MIPOL1: variants seen among roughly 807,000 people sequenced by gnomAD.
MIPOL1 encodes mirror-image polydactyly gene 1 protein.
MIPOL1 carries 57 observed loss-of-function variants against 60.9 expected under a neutral mutation model. The observed-to-expected ratio is 0.94, with a 90% CI of 0.76 to 1.17. The LOEUF (loss-of-function observed/expected upper bound fraction) is 1.17. Ranked by LOEUF, MIPOL1 falls within the 50% of genes most tolerant of loss-of-function variation. The probability of loss-of-function intolerance (pLI) is 0.00; values close to 1 mark genes in which losing one functional copy is unlikely to be tolerated. For synonymous variants in MIPOL1, 179 were observed against 168.8 expected, an observed-to-expected ratio of 1.06 and a Z score of -0.47; for missense variants, 551 against 511.6, an observed-to-expected ratio of 1.08 and a Z score of -0.74.
At chr14:37,545,779 T>G in intron 12 of MIPOL1, 1 of 555,578 alleles carries the variant, frequency 1.8e-6, no homozygotes, top group Admixed American at 3.5e-5. Context: ...CAGCTTTGTA[T>G]GACACTAAGA....
chr14:37,225,447 C>G (rs1171003241), intron 1 of MIPOL1, among the ~76,000 whole-genome samples: 1 of 152,204 alleles, frequency 6.6e-6, no homozygotes, highest in Non-Finnish European at 1.5e-5. Flanking sequence ...GACTTCTATG[C>G]ACTTGCAGGC....
intron 11 of MIPOL1, among the ~76,000 whole-genome samples, chr14:37,445,654 A>G (rs2094322232): frequency 6.6e-6 from 1 of 151,532 alleles, no homozygotes; most frequent in Non-Finnish European, 1.5e-5. Flanking sequence ...GAGGCATCAC[A>G]CTACCTAACT....
intron 9 of MIPOL1, among the ~76,000 whole-genome samples, chr14:37,360,742 A>G (rs1371299850): frequency 1.3e-5 from 2 of 151,932 alleles, no homozygotes; most frequent in African/African-American, 2.4e-5. Flanking sequence ...CAGTCTATCA[A>G]TTTTGTTGAT....
chr14:37,295,835 AC>A (rs1332998176), intron 7 of MIPOL1, among the ~76,000 whole-genome samples: 1 of 152,086 alleles, frequency 6.6e-6, no homozygotes, highest in Non-Finnish European at 1.5e-5. Flanking sequence ...AATGACTTAG[AC>A]CCCCACACAG....
intron 10 of MIPOL1, among the ~76,000 whole-genome samples, chr14:37,387,819 A>G (rs957770846): frequency 6.6e-6 from 1 of 151,892 alleles, no homozygotes; most frequent in African/African-American, 2.4e-5. Flanking sequence ...TGGGTGTTTT[A>G]CAATCATGCT....
chr14:37,319,810 G>A (rs2088360325), intron 9 of MIPOL1, among the ~76,000 whole-genome samples: 1 of 152,022 alleles, frequency 6.6e-6, no homozygotes, highest in Non-Finnish European at 1.5e-5. Context: ...TTCCCAGTCG[G>A]AATTTCTCAC....
chr14:37,297,625 G>A (rs1386307030), intron 7 of MIPOL1, among the ~76,000 whole-genome samples: 1 of 152,124 alleles, frequency 6.6e-6, no homozygotes, highest in Admixed American at 6.6e-5. Flanking sequence ...TACAAAATCA[G>A]TGTTCAAAAA....
intron 11 of MIPOL1, among the ~76,000 whole-genome samples, chr14:37,451,988 T>C (rs998906605): frequency 6.6e-6 from 1 of 151,086 alleles, no homozygotes; most frequent in African/African-American, 2.5e-5. Flanking sequence ...CTAATTTTTT[T>C]GTATTTTTAG....
chr14:37,346,351 A>AG (rs1299116434), intron 9 of MIPOL1, among the ~76,000 whole-genome samples: 6 of 152,194 alleles, frequency 3.9e-5, no homozygotes, highest in African/African-American at 1.4e-4. Flanking sequence ...AAATAACTGA[A>AG]GGTGTGGCCC....
chr14:37,413,944 G>A (rs1452275255), intron 10 of MIPOL1, among the ~76,000 whole-genome samples: 2 of 152,132 alleles, frequency 1.3e-5, no homozygotes, highest in Admixed American at 6.6e-5. Flanking sequence ...GCAACAAAAT[G>A]TAAATATTTA....
intron 10 of MIPOL1, among the ~76,000 whole-genome samples, chr14:37,416,393 T>C (rs1048150353): frequency 6.6e-6 from 1 of 152,100 alleles, no homozygotes; most frequent in African/African-American, 2.4e-5. Context: ...TGTATGGGCA[T>C]AATAGAGTGT....
intron 6 of MIPOL1, among the ~76,000 whole-genome samples, chr14:37,271,805 T>C (rs748009510): frequency 1.3e-5 from 2 of 151,736 alleles, no homozygotes; most frequent in African/African-American, 4.8e-5. Context: ...TGCATTTGCA[T>C]AATGTTAACT....
At chr14:37,436,141 A>G (rs1757874049) in intron 11 of MIPOL1, among the ~76,000 whole-genome samples, 1 of 152,174 alleles carries the variant, frequency 6.6e-6, no homozygotes, top group Non-Finnish European at 1.5e-5. Context: ...AGCAGTTTTT[A>G]AAAGTAAAAT....
At chr14:37,322,338 C>T (rs2088667043) in intron 9 of MIPOL1, among the ~76,000 whole-genome samples, 1 of 151,918 alleles carries the variant, frequency 6.6e-6, no homozygotes, top group South Asian at 2.1e-4. Flanking sequence ...ATGCCCTATC[C>T]AATCAATTCA....
At chr14:37,221,772 T>C (rs1968808475) in intron 1 of MIPOL1, among the ~76,000 whole-genome samples, 1 of 152,168 alleles carries the variant, frequency 6.6e-6, no homozygotes, top group African/African-American at 2.4e-5. Context: ...AGGATTACAG[T>C]TGCACGTAAG....
intron 12 of MIPOL1, among the ~76,000 whole-genome samples, chr14:37,524,585 TGAGA>T (rs2095435429): frequency 2.7e-5 from 4 of 145,998 alleles, no homozygotes; most frequent in Non-Finnish European, 4.5e-5. Flanking sequence ...TTTTTTTTTT[TGAGA>T]TGGAGTCTCA....
intron 12 of MIPOL1, among the ~76,000 whole-genome samples, 190 bp from the exon 13 acceptor site, chr14:37,546,715 G>T (rs574335380): frequency 6.6e-6 from 1 of 152,098 alleles, no homozygotes; most frequent in South Asian, 2.1e-4. Flanking sequence ...AGTTTGTGTC[G>T]TTGCTGGGTT....
At chr14:37,340,968 A>G (rs1375675369) in intron 9 of MIPOL1, among the ~76,000 whole-genome samples, 1 of 152,116 alleles carries the variant, frequency 6.6e-6, no homozygotes, top group African/African-American at 2.4e-5. Flanking sequence ...ATGCACAAAT[A>G]CTTAACATCG....
At chr14:37,519,087 C>T (rs950175276) in intron 12 of MIPOL1, among the ~76,000 whole-genome samples, 3 of 152,032 alleles carry the variant, frequency 2.0e-5, no homozygotes, top group Non-Finnish European at 4.4e-5. Flanking sequence ...TACCTTGTAA[C>T]TTGCAGTATA....
Sources: gnomAD v4.1 joint callset for allele counts (sites outside exome capture counted in the v4.1 genomes callset) on GRCh38, gnomAD v4.1.1 for gene constraint, MANE v1.5 for transcripts, NCBI Gene and HGNC (gene_info 2026-07-23, HGNC 2026-07-21) for gene names.